Variants in SEC24B observed in about 807,000 individuals in gnomAD.
SEC24B encodes protein transport protein Sec24B.
SEC24B carries 45 observed loss-of-function variants against 142.8 expected under a neutral mutation model. The ratio of observed to expected loss-of-function variants is 0.32; its 90% CI spans 0.25 to 0.40. The LOEUF (loss-of-function observed/expected upper bound fraction) is 0.40, where lower values mean the gene tolerates loss of function less well. SEC24B is among the 10% of genes least tolerant of loss of function. The pLI is 1.00. For synonymous variants in SEC24B, 574 were observed against 568.2 expected, an observed-to-expected ratio of 1.01 and a Z score of -0.15; for missense variants, 1,409 against 1,526.8, an observed-to-expected ratio of 0.92 and a Z score of 1.29.
chr4:109,433,849 G>A lies in SEC24B; in HGVS notation c.-21G>A. The stretch of plus-strand genomic sequence containing the variant: ...CCGCCCACCTCCCTGAAGCGGAGCC[G>A]CCGTCGCCACCAGCGCCGTCATGTC... On this transcript the variant is annotated 5_prime_UTR_variant, in exon 1 of 24. Transcript: ENST00000265175. The A allele has an allele frequency of 2.3e-6, 3 of 1,291,932 alleles. No individual in the cohort carries two copies. The highest frequency in any genetic ancestry group is 2.1e-5 in the South Asian group (1 of 47,044). The allele number at this position is 1,291,932 out of a possible 1,614,324, so 80.0% of individuals were successfully genotyped here. A position where few individuals can be genotyped will look rare whatever the true frequency, so the allele number is the denominator to read the frequency against.
At chr4:109,507,377 T>C (rs1578930608) in intron 7 of SEC24B, among the ~76,000 whole-genome samples, 1 of 149,420 alleles carries the variant, frequency 6.7e-6, no homozygotes, top group African/African-American at 2.5e-5. Flanking sequence ...CAGGTTCAAG[T>C]GATTCTCGTG....
intron 4 of SEC24B, among the ~76,000 whole-genome samples, chr4:109,486,347 A>G (rs571709648): frequency 3.9e-5 from 6 of 152,220 alleles, no homozygotes; most frequent in East Asian, 1.9e-4. Flanking sequence ...AAGTTTAGCA[A>G]TACTAGTAAG....
intron 7 of SEC24B, among the ~76,000 whole-genome samples, chr4:109,508,585 T>TA (rs542285611): frequency 4.2e-4 from 64 of 150,930 alleles, no homozygotes; most frequent in Middle Eastern, 3.4e-3. Context: ...AAAAAATTAT[T>TA]AAAAAAAAAT....
At chr4:109,522,177 A>G (rs1317526775) in intron 14 of SEC24B, among the ~76,000 whole-genome samples, 1 of 151,072 alleles carries the variant, frequency 6.6e-6, no homozygotes, top group Non-Finnish European at 1.5e-5. Flanking sequence ...CAGCCTCCCT[A>G]GTAGCTGGGA....
intron 11 of SEC24B, 137 bp downstream of exon 11, chr4:109,516,777 C>T (rs2271240): frequency 0.62 from 279,568 of 452,756 alleles, 89,819 homozygotes; most frequent in African/African-American, 0.93. Flanking sequence ...TTATGTACCA[C>T]AGAATAAGAA....
At chr4:109,476,953 C>T (rs1201338557) in intron 3 of SEC24B, among the ~76,000 whole-genome samples, 4 of 151,336 alleles carry the variant, frequency 2.6e-5, no homozygotes, top group South Asian at 2.1e-4. Flanking sequence ...CCGGCTAAAA[C>T]GGTGAAACCC....
chr4:109,528,335 A>G (rs1365726570), intron 18 of SEC24B, among the ~76,000 whole-genome samples: 1 of 152,020 alleles, frequency 6.6e-6, no homozygotes, highest in Non-Finnish European at 1.5e-5. Context: ...TTGAGGCAGG[A>G]AAATCCTTTG....
chr4:109,532,753 C>T lies in SEC24B; in HGVS notation c.3495+10C>T. 2.3e-6 allele frequency: 3 copies of T among 1,314,840 alleles called. No homozygotes were observed. The highest frequency in any genetic ancestry group is 3.3e-6 in the Non-Finnish European group (3 of 907,246). 81.4% of individuals were successfully genotyped at this position (1,314,840 alleles called of 1,614,324 possible). Reference sequence around the variant, plus strand: ...TATGGACTGTGGCTCTGTAAGCACCCTTTACTGGCAAAGCTTAACACTGTT... The same window carrying T: ...TATGGACTGTGGCTCTGTAAGCACCTTTTACTGGCAAAGCTTAACACTGTT... On this transcript the variant is annotated intron_variant, in intron 21 of 23. Transcript: ENST00000265175.
At chr4:109,530,986 T>C (rs1198549791) in intron 19 of SEC24B, among the ~76,000 whole-genome samples, 1 of 152,102 alleles carries the variant, frequency 6.6e-6, no homozygotes, top group African/African-American at 2.4e-5. Flanking sequence ...ATATTCTCTC[T>C]TCTTTAATGT....
At chr4:109,514,971 T>TGA (rs1268693266) in intron 10 of SEC24B, among the ~76,000 whole-genome samples, 1 of 152,258 alleles carries the variant, frequency 6.6e-6, no homozygotes, top group East Asian at 1.9e-4. Flanking sequence ...ACCTTCTTTA[T>TGA]GATTTATTAT....
intron 10 of SEC24B, 36 bp downstream of exon 10, chr4:109,513,892 A>G: frequency 7.8e-7 from 1 of 1,286,294 alleles, no homozygotes; most frequent in Non-Finnish European, 1.1e-6. Flanking sequence ...TATGGAACAC[A>G]ATTACATTGG....
At chr4:109,454,982 C>T (rs1730512467) in intron 1 of SEC24B, among the ~76,000 whole-genome samples, 1 of 152,190 alleles carries the variant, frequency 6.6e-6, no homozygotes, top group Non-Finnish European at 1.5e-5. Flanking sequence ...CCTTTTTATC[C>T]AATTATACTT....
Position 109,462,906 on chromosome 4 carries a change from G to T in SEC24B, c.139G>T (p.Ala47Ser), listed in dbSNP as rs1394481697. The T allele has an allele frequency of 7.5e-6, 12 of 1,605,486 alleles. No individual in the cohort carries two copies. Among genetic ancestry groups the T allele is most frequent in the African/African-American group, 2.7e-5 (2 of 74,818 alleles). The change falls in exon 2 of 24, where the codon GCC becomes TCC. Residue 47 changes from alanine (A) to serine (S), a missense_variant. Transcript: ENST00000265175. Reference protein sequence around the residue: ...GPAPHQQNGPAQNQMQVPSGY... With the variant: ...GPAPHQQNGPSQNQMQVPSGY... Reference sequence around the variant, plus strand: ...GTAAATACTTGCTTTTTCAGGTCCAGCCCAGAATCAAATGCAGGTTCCATC... The same window carrying T: ...GTAAATACTTGCTTTTTCAGGTCCATCCCAGAATCAAATGCAGGTTCCATC...
chr4:109,501,553 C>T (rs1578913776), intron 6 of SEC24B, among the ~76,000 whole-genome samples: 1 of 152,220 alleles, frequency 6.6e-6, no homozygotes, highest in Non-Finnish European at 1.5e-5. Context: ...TCACTGCAAC[C>T]TCTGCCTTCC....
Position 109,526,252 on chromosome 4 carries a change from A to G in SEC24B, c.2818A>G (p.Asn940Asp). The G allele has an allele frequency of 6.2e-7, 1 of 1,613,888 alleles. No homozygotes were observed. The highest frequency in any genetic ancestry group is 8.5e-7 in the Non-Finnish European group (1 of 1,179,920). ...TCTTTCAATGCACACTTTTCACGGT[A>G]ACTTCTTTGTCCGTTCTACTGATTT... The part of the protein sequence containing the change: ...KGLSMHTFHG[N>D]FFVRSTDLLS... The change falls in exon 17 of 24, where the codon AAC becomes GAC. Residue 940 changes from asparagine to aspartate, a missense_variant. Coordinates refer to ENST00000265175, the MANE Select transcript of SEC24B (RefSeq NM_006323.5).
Position 109,508,585 on chromosome 4 carries a change from TA to T in SEC24B, c.1674-1415del, listed in dbSNP as rs542285611. On this transcript the variant is annotated intron_variant, in intron 7 of 23. Coordinates refer to ENST00000265175, the MANE Select transcript of SEC24B (RefSeq NM_006323.5). ...CTGTCTCAAAAAAATAAAAAATTAT[TA>T]AAAAAAAATATGTTGCATATGTATA... 5.3e-5 allele frequency among the ~76,000 whole-genome samples: 8 copies of T among 150,810 alleles called. No homozygotes were observed. In the East Asian group the frequency reaches 5.8e-4, roughly 11 times the overall value.
intron 7 of SEC24B, among the ~76,000 whole-genome samples, chr4:109,506,995 T>G (rs1161874772): frequency 6.6e-6 from 1 of 152,162 alleles, no homozygotes; most frequent in South Asian, 2.1e-4. Flanking sequence ...ACTCCCAGGC[T>G]TAATCCAGTC....
intron 2 of SEC24B, among the ~76,000 whole-genome samples, chr4:109,464,722 C>G (rs562318392): frequency 6.6e-6 from 1 of 152,278 alleles, no homozygotes; most frequent in East Asian, 1.9e-4. Flanking sequence ...GTCAAAGATG[C>G]TGTGGAAAGA....
intron 6 of SEC24B, among the ~76,000 whole-genome samples, chr4:109,502,827 T>C (rs1420393740): frequency 6.6e-6 from 1 of 152,220 alleles, no homozygotes; most frequent in Non-Finnish European, 1.5e-5. Flanking sequence ...AGTAATTATT[T>C]TGTATAAGCA....
Sources: allele counts gnomAD v4.1 joint callset (sites outside exome capture counted in the v4.1 genomes callset), GRCh38; gene constraint gnomAD v4.1.1; transcripts MANE v1.5; gene names NCBI Gene and HGNC (gene_info 2026-07-23, HGNC 2026-07-21).